The following NRG1 variants were observed in gnomAD, a reference collection of about 807,000 sequenced individuals.
NRG1 encodes the protein pro-neuregulin-1, membrane-bound isoform.
In NRG1, 18 loss-of-function variants were observed where a neutral mutation model predicts 63.8. That is an observed-to-expected ratio of 0.28 (90% CI 0.19 to 0.42). The LOEUF (loss-of-function observed/expected upper bound fraction) is 0.42. NRG1 is among the 10% of genes least tolerant of loss of function. The pLI is 1.00. For synonymous variants in NRG1, 302 were observed against 301.3 expected (o/e 1.00, Z -0.02); for missense variants, 762 against 814.7 (o/e 0.94, Z 0.79).
At chr8:32,404,739 C>A (rs1052801768) in intron 1 of NRG1, among the ~76,000 whole-genome samples, 9 of 151,984 alleles carry the variant, frequency 5.9e-5, no homozygotes, top group African/African-American at 2.2e-4. Flanking sequence ...CTTGCACCAC[C>A]ACACCCAGCT....
intron 1 of NRG1, among the ~76,000 whole-genome samples, chr8:32,037,796 C>T (rs1370540956): frequency 6.6e-6 from 1 of 152,222 alleles, no homozygotes; most frequent in African/African-American, 2.4e-5. Context: ...GGAAAAACGG[C>T]TGACTGGAGC....
At chr8:32,228,943 A>G (rs1563929664) in intron 1 of NRG1, among the ~76,000 whole-genome samples, 1 of 152,204 alleles carries the variant, frequency 6.6e-6, no homozygotes, top group Non-Finnish European at 1.5e-5. Context: ...AAAGAAGTGT[A>G]GGTAAAGAAT....
intron 1 of NRG1, among the ~76,000 whole-genome samples, chr8:32,040,249 C>T (rs1819726186): frequency 6.6e-6 from 1 of 152,110 alleles, no homozygotes; most frequent in African/African-American, 2.4e-5. Flanking sequence ...GTTCTAGATC[C>T]TAGTTGATTA....
chr8:31,937,265 C>A (rs1357465561), intron 1 of NRG1, among the ~76,000 whole-genome samples: 1 of 152,050 alleles, frequency 6.6e-6, no homozygotes, highest in Non-Finnish European at 1.5e-5. Context: ...GAGCACTTTG[C>A]TCTTTTGGTT....
intron 2 of NRG1, among the ~76,000 whole-genome samples, chr8:32,604,234 AC>A (rs1310091203): frequency 1.3e-5 from 2 of 152,158 alleles, no homozygotes; most frequent in East Asian, 1.9e-4. Flanking sequence ...GGAATGCAGG[AC>A]CCCCATTGTA....
intron 1 of NRG1, among the ~76,000 whole-genome samples, chr8:31,840,847 G>C (rs151243311): frequency 1.7e-4 from 26 of 152,242 alleles, no homozygotes; most frequent in African/African-American, 6.3e-4. Flanking sequence ...AGAGAACACT[G>C]CCGAGTCATT....
intron 1 of NRG1, among the ~76,000 whole-genome samples, chr8:31,692,259 T>G (rs1809611055): frequency 6.6e-6 from 1 of 152,230 alleles, no homozygotes; most frequent in African/African-American, 2.4e-5. Context: ...GTCAACTTGG[T>G]AAAATGTACT....
At chr8:32,687,677 G>A (rs1810517655) in intron 5 of NRG1, among the ~76,000 whole-genome samples, 1 of 152,082 alleles carries the variant, frequency 6.6e-6, no homozygotes, top group African/African-American at 2.4e-5. Flanking sequence ...AACATCACTA[G>A]GTCCAAACCA....
chr8:32,125,216 A>G (rs1438076531), intron 1 of NRG1, among the ~76,000 whole-genome samples: 1 of 151,932 alleles, frequency 6.6e-6, no homozygotes, highest in Non-Finnish European at 1.5e-5. Flanking sequence ...AAGTAAATGT[A>G]TATTATTTGT....
chr8:32,667,988 G>A (rs924463247), intron 5 of NRG1, among the ~76,000 whole-genome samples: 4 of 152,160 alleles, frequency 2.6e-5, no homozygotes, highest in South Asian at 4.2e-4. Context: ...CGAGGCAAGC[G>A]GATCACCTGA....
At chr8:32,010,236 C>T (rs1013855314) in intron 1 of NRG1, among the ~76,000 whole-genome samples, 3 of 152,006 alleles carry the variant, frequency 2.0e-5, no homozygotes, top group African/African-American at 7.2e-5. Context: ...AACAAATATC[C>T]TCATAGGGTC....
chr8:32,727,961 C>A (rs779965848), exon 6 of NRG1: 2 of 1,613,976 alleles, frequency 1.2e-6, no homozygotes, highest in Non-Finnish European at 8.5e-7. Flanking sequence ...ACATCTACAT[C>A]CACCACTGGG....
At chr8:31,847,943 C>A (rs1430087670) in intron 1 of NRG1, among the ~76,000 whole-genome samples, 1 of 152,160 alleles carries the variant, frequency 6.6e-6, no homozygotes, top group Non-Finnish European at 1.5e-5. Flanking sequence ...TAAAAGGTCT[C>A]ATTTCTTGAT....
intron 1 of NRG1, among the ~76,000 whole-genome samples, chr8:31,757,647 C>T (rs1817107215): frequency 6.6e-6 from 1 of 152,018 alleles, no homozygotes; most frequent in South Asian, 2.1e-4. Context: ...ATACTTTCCT[C>T]AGTTTATGTC....
intron 5 of NRG1, among the ~76,000 whole-genome samples, chr8:32,702,636 A>G (rs1308307068): frequency 2.0e-5 from 3 of 152,100 alleles, no homozygotes; most frequent in Non-Finnish European, 2.9e-5. Context: ...ACAGGCACAT[A>G]CAATCCACAC....
Position 32,385,208 on chromosome 8 carries a change from A to G in NRG1, c.38-210620A>G, listed in dbSNP as rs537328085. Among the ~76,000 whole-genome samples the G allele has an allele frequency of 2.2e-3, 338 of 151,206 alleles. 3 individuals are homozygous for G. Among genetic ancestry groups the G allele is most frequent in the African/African-American group, 8.0e-3 (329 of 41,194 alleles). Reference sequence around the variant, plus strand: ...CTAATTTTTTTTTTTCTCTATTTTTAGTAGAGACAGGGTTTCACCATGTTA... The same window carrying G: ...CTAATTTTTTTTTTTCTCTATTTTTGGTAGAGACAGGGTTTCACCATGTTA... On this transcript the variant is annotated intron_variant, in intron 1 of 10. Coordinates refer to the NRG1 transcript ENST00000519301.
At chr8:32,264,755 G>T (rs1020950629) in intron 1 of NRG1, among the ~76,000 whole-genome samples, 1 of 152,030 alleles carries the variant, frequency 6.6e-6, no homozygotes, top group Admixed American at 6.6e-5. Context: ...GCTAACTGTG[G>T]CATGAATGAG....
At chr8:31,932,275 G>A (rs1834931393) in intron 1 of NRG1, among the ~76,000 whole-genome samples, 1 of 152,142 alleles carries the variant, frequency 6.6e-6, no homozygotes, top group Non-Finnish European at 1.5e-5. Flanking sequence ...TTGGACTCTT[G>A]CATTACCTTT....
intron 1 of NRG1, among the ~76,000 whole-genome samples, chr8:32,031,208 C>T (rs113556199): frequency 5.6e-4 from 85 of 152,340 alleles, no homozygotes; most frequent in African/African-American, 2.0e-3. Flanking sequence ...CATCCATCAC[C>T]AGGCTCTGTC....
Sources: gnomAD v4.1 joint callset for allele counts (sites outside exome capture counted in the v4.1 genomes callset) on GRCh38, gnomAD v4.1.1 for gene constraint, MANE v1.5 for transcripts, NCBI Gene and HGNC (gene_info 2026-07-23, HGNC 2026-07-21) for gene names.